Variants in MAGI2 observed in about 807,000 individuals in gnomAD.
MAGI2 encodes the protein membrane-associated guanylate kinase, WW and PDZ domain-containing protein 2.
MAGI2 carries 35 observed loss-of-function variants against 133.3 expected under a neutral mutation model. That is an observed-to-expected ratio of 0.26 (90% CI 0.20 to 0.35). The LOEUF is 0.35. MAGI2 is among the 10% of genes least tolerant of loss of function. The probability of loss-of-function intolerance (pLI) is 1.00; values close to 1 mark genes in which losing one functional copy is unlikely to be tolerated. For synonymous variants in MAGI2, 729 were observed against 710.6 expected, an observed-to-expected ratio of 1.03 and a Z score of -0.41; for missense variants, 1,636 against 1,863.4, an observed-to-expected ratio of 0.88 and a Z score of 2.25.
intron 2 of MAGI2, among the ~76,000 whole-genome samples, chr7:78,717,573 T>C (rs2151192137): frequency 6.6e-6 from 1 of 152,264 alleles, no homozygotes; most frequent in Non-Finnish European, 1.5e-5. Context: ...GGAGCCCCAA[T>C]ATTCTCCTTT....
At chr7:79,170,485 T>A (rs746402536) in intron 1 of MAGI2, among the ~76,000 whole-genome samples, 1 of 152,076 alleles carries the variant, frequency 6.6e-6, no homozygotes, top group Admixed American at 6.6e-5. Flanking sequence ...CAAAATACTA[T>A]AAAGTATTGA....
At chr7:78,410,398 T>C (rs902163885) in intron 6 of MAGI2, among the ~76,000 whole-genome samples, 7 of 152,054 alleles carry the variant, frequency 4.6e-5, no homozygotes, top group African/African-American at 9.7e-5. Context: ...TTTGTCAACA[T>C]GTCTTTCTCC....
chr7:78,302,751 C>T (rs1797937164), intron 9 of MAGI2, among the ~76,000 whole-genome samples: 1 of 152,186 alleles, frequency 6.6e-6, no homozygotes, highest in East Asian at 1.9e-4. Flanking sequence ...TTTATCATCT[C>T]TAAAACTCTT....
intron 16 of MAGI2, among the ~76,000 whole-genome samples, chr7:78,145,718 C>T (rs1295132719): frequency 6.6e-6 from 1 of 152,202 alleles, no homozygotes; most frequent in East Asian, 1.9e-4. Flanking sequence ...CAATATATAT[C>T]TGTTCATTGT....
At chr7:78,942,090 T>C (rs1340278403) in intron 2 of MAGI2, among the ~76,000 whole-genome samples, 1 of 152,164 alleles carries the variant, frequency 6.6e-6, no homozygotes, top group Non-Finnish European at 1.5e-5. Flanking sequence ...AAAAATGTTA[T>C]ATTTGTTTCA....
chr7:79,108,792 T>C (rs1260430573), intron 1 of MAGI2, among the ~76,000 whole-genome samples: 1 of 152,200 alleles, frequency 6.6e-6, no homozygotes, highest in Non-Finnish European at 1.5e-5. Flanking sequence ...GGGAGGTGTT[T>C]AGATCATAGG....
intron 1 of MAGI2, among the ~76,000 whole-genome samples, chr7:79,062,273 C>CCA (rs1378651957): frequency 6.6e-6 from 1 of 152,066 alleles, no homozygotes; most frequent in Non-Finnish European, 1.5e-5. Flanking sequence ...AATGTTCAGC[C>CCA]CATACTTCAT....
intron 2 of MAGI2, among the ~76,000 whole-genome samples, chr7:78,783,515 G>A (rs750557411): frequency 1.3e-5 from 2 of 152,154 alleles, no homozygotes; most frequent in Non-Finnish European, 2.9e-5. Context: ...CATTTACTAT[G>A]CTATTTTGGA....
intron 9 of MAGI2, among the ~76,000 whole-genome samples, chr7:78,307,730 GC>G (rs1456434391): frequency 6.6e-6 from 1 of 152,094 alleles, no homozygotes; most frequent in Non-Finnish European, 1.5e-5. Flanking sequence ...TTCCAGACTG[GC>G]TAAGAGTTGA....
chr7:78,800,691 G>A (rs1456207134), intron 2 of MAGI2, among the ~76,000 whole-genome samples: 1 of 152,056 alleles, frequency 6.6e-6, no homozygotes, highest in Non-Finnish European at 1.5e-5. Flanking sequence ...ACACCACTCT[G>A]TGGCTAATAC....
rs188969161 is a variant in MAGI2, at chr7:78,687,740, G to C, written c.419-60501C>G. ...TCCCAGCACTTTGGGAGGCTGAGGC[G>C]GGTGGATCATTTGAGGCGAGGAGTT... On this transcript the variant is annotated intron_variant, in intron 2 of 21. Coordinates refer to ENST00000354212, the MANE Select transcript of MAGI2 (RefSeq NM_012301.4). Among the ~76,000 whole-genome samples, 19 of 152,036 alleles carry C rather than the reference G, an allele frequency of 1.2e-4. No individual in the cohort carries two copies. The East Asian group carries it at 3.7e-3, about 30-fold the overall frequency.
At chr7:78,515,632 A>G (rs1427411941) in intron 4 of MAGI2, among the ~76,000 whole-genome samples, 4 of 150,614 alleles carry the variant, frequency 2.7e-5, no homozygotes, top group Non-Finnish European at 6.0e-5. Flanking sequence ...CAGGCGCTGT[A>G]GCTCAAGCCT....
chr7:78,129,138 G>T (rs1821289076), intron 18 of MAGI2, among the ~76,000 whole-genome samples: 1 of 152,156 alleles, frequency 6.6e-6, no homozygotes, highest in Non-Finnish European at 1.5e-5. Context: ...AATGTGACAT[G>T]AGGTATGGCC....
chr7:78,774,482 T>C (rs1018442488), intron 2 of MAGI2, among the ~76,000 whole-genome samples: 5 of 152,176 alleles, frequency 3.3e-5, no homozygotes, highest in African/African-American at 1.2e-4. Context: ...TATAATTCAC[T>C]TCTTTGATTC....
chr7:79,099,758 AG>A (rs1214369995), intron 1 of MAGI2, among the ~76,000 whole-genome samples: 2 of 152,184 alleles, frequency 1.3e-5, no homozygotes, highest in African/African-American at 4.8e-5. Flanking sequence ...TAGTTCGCTT[AG>A]GATAATGGCC....
chr7:79,448,435 AAT>A (rs1257664108), intron 1 of MAGI2, among the ~76,000 whole-genome samples: 12 of 152,146 alleles, frequency 7.9e-5, no homozygotes, highest in African/African-American at 2.9e-4. Context: ...CAAAATGACC[AAT>A]ATGTTTGCAA....
chr7:78,771,481 G>T (rs1310426592), intron 2 of MAGI2, among the ~76,000 whole-genome samples: 1 of 152,152 alleles, frequency 6.6e-6, no homozygotes, highest in African/African-American at 2.4e-5. Flanking sequence ...TAGAGATTAA[G>T]CATTTTTGTT....
At chr7:78,411,787 A>C (rs1183217777) in intron 6 of MAGI2, among the ~76,000 whole-genome samples, 1 of 152,004 alleles carries the variant, frequency 6.6e-6, no homozygotes, top group African/African-American at 2.4e-5. Flanking sequence ...ACTATGCATA[A>C]AGCTTTTTGT....
chr7:78,412,614 G>A (rs1797965359), intron 6 of MAGI2, among the ~76,000 whole-genome samples: 1 of 152,072 alleles, frequency 6.6e-6, no homozygotes, highest in African/African-American at 2.4e-5. Flanking sequence ...GATGGAACTA[G>A]GGCAGGTTCT....
Sources: allele counts gnomAD v4.1 joint callset (sites outside exome capture counted in the v4.1 genomes callset), GRCh38; gene constraint gnomAD v4.1.1; transcripts MANE v1.5; gene names NCBI Gene and HGNC (gene_info 2026-07-23, HGNC 2026-07-21).